Variants in CDH20 observed in about 807,000 individuals in gnomAD.
CDH20 encodes the protein cadherin 20, also known as cadherin-20.
CDH20 carries 29 observed loss-of-function variants against 74.2 expected under a neutral mutation model. The observed-to-expected ratio is 0.39, with a 90% CI of 0.29 to 0.53. CDH20 has a LOEUF of 0.53. Ranked by LOEUF, CDH20 falls within the 20% of genes least tolerant of loss-of-function variation. The pLI is 0.69. For synonymous variants in CDH20, 469 were observed against 405.4 expected (o/e 1.16, Z -1.88); for missense variants, 988 against 1,048.3 (o/e 0.94, Z 0.79).
At position 61,499,233 on chromosome 18, in the gene CDH20, C is replaced by T. The variant is rs145333204; in HGVS notation, c.294C>T (p.Leu98=). Residue 98 remains leucine (L), a synonymous_variant, in exon 3 of 12, where the codon CTC becomes CTT. Coordinates refer to ENST00000262717, the MANE Select transcript of CDH20 (RefSeq NM_031891.4). ...GAGACGGATCCATCAAATACATCCT[C>T]TCGGGAGAAGGTGCTGGCATCGTGT... is the stretch of plus-strand genomic sequence containing the variant. The part of the protein sequence containing the change: ...DRGDGSIKYI[L]SGEGAGIVFT... 7.1e-5 allele frequency: 114 copies of T among 1,611,144 alleles called. No individual in the cohort carries two copies. The African/African-American group carries it at 1.3e-3, about 18-fold the overall frequency.
At chr18:61,411,097 G>C (rs1277752788) in intron 1 of CDH20, among the ~76,000 whole-genome samples, 1 of 152,082 alleles carries the variant, frequency 6.6e-6, no homozygotes, top group African/African-American at 2.4e-5. Flanking sequence ...CTACTCGGGG[G>C]GCTGAGGCAG....
intron 1 of CDH20, among the ~76,000 whole-genome samples, chr18:61,424,755 C>T (rs1351314209): frequency 2.0e-5 from 3 of 152,120 alleles, no homozygotes; most frequent in African/African-American, 7.2e-5. Context: ...TAAGAACCTA[C>T]CCTCTGCTAA....
intron 1 of CDH20, among the ~76,000 whole-genome samples, chr18:61,336,011 T>G (rs1347018449): frequency 6.6e-6 from 1 of 152,192 alleles, no homozygotes; most frequent in Admixed American, 6.5e-5. Flanking sequence ...CTGTAAAATT[T>G]TATGACCCAG....
intron 1 of CDH20, among the ~76,000 whole-genome samples, chr18:61,458,142 A>C (rs1286076099): frequency 6.6e-6 from 1 of 152,072 alleles, no homozygotes; most frequent in Non-Finnish European, 1.5e-5. Flanking sequence ...GACCTTCTCC[A>C]TCTGGTTGCC....
chr18:61,384,970 G>C (rs1482073981), intron 1 of CDH20, among the ~76,000 whole-genome samples: 1 of 152,010 alleles, frequency 6.6e-6, no homozygotes. Context: ...CAGGCCCTAA[G>C]CTAAGGGGTT....
Position 61,539,061 on chromosome 18 carries a change from CAA to C in CDH20, c.1448_1449del (p.Lys483SerfsTer6). 1 of 1,613,888 alleles carries C rather than the reference CAA, an allele frequency of 6.2e-7. No individual in the cohort carries two copies. ...AGGTTGGAAGTGTTCCTGTCACAAT[CAA>C]AGTCTTAGATGTGAATGACAATGCT... ...SQVGSVPVTI[K>X]VLDVNDNAPE... On this transcript the variant is annotated frameshift_variant, in exon 9 of 12. Coordinates refer to ENST00000262717, the MANE Select transcript of CDH20 (RefSeq NM_031891.4). LOFTEE classifies it high-confidence loss of function.
chr18:61,389,979 A>C (rs145988080), intron 1 of CDH20, among the ~76,000 whole-genome samples: 278 of 152,292 alleles, frequency 1.8e-3, no homozygotes, highest in African/African-American at 6.4e-3. Context: ...AATAAAACAA[A>C]AACCTTCCTT....
At chr18:61,386,699 T>C (rs1452873866) in intron 1 of CDH20, among the ~76,000 whole-genome samples, 2 of 152,210 alleles carry the variant, frequency 1.3e-5, no homozygotes, top group Non-Finnish European at 2.9e-5. Context: ...AATGGTTCAA[T>C]TAATTTTATT....
intron 1 of CDH20, among the ~76,000 whole-genome samples, chr18:61,412,350 G>GA (rs1912541252): frequency 6.6e-6 from 1 of 152,090 alleles, no homozygotes; most frequent in South Asian, 2.1e-4. Flanking sequence ...AGAAAGTGCA[G>GA]AAAAATGGAA....
In CDH20 at chr18:61,333,682, TG is replaced by T. The variant is rs1400231043; in HGVS notation, c.-292del. On this transcript the variant is annotated 5_prime_UTR_variant, in exon 1 of 12. Transcript: ENST00000262717. The stretch of plus-strand genomic sequence containing the variant: ...ACTTCTGACAGAGGGGGTAGGGGGG[TG>T]GGGGGCGGGGACAGCGCCGCGAGCA... 1.2e-4 allele frequency: 1 copy of T among 8,304 alleles called. No individual in the cohort carries two copies. Among genetic ancestry groups the T allele is most frequent in the Non-Finnish European group, 2.3e-4 (1 of 4,310 alleles). 0.5% of individuals were successfully genotyped at this position (8,304 alleles called of 1,614,324 possible).
Position 61,554,554 on chromosome 18 carries a change from T to G in CDH20, c.2265T>G (p.Ser755=). 1 of 1,610,890 alleles carries G rather than the reference T, an allele frequency of 6.2e-7. No homozygotes were observed. The highest frequency in any genetic ancestry group is 8.5e-7 in the Non-Finnish European group (1 of 1,178,842). The change falls in exon 12 of 12, where the codon TCT becomes TCG. Residue 755 remains serine, a synonymous_variant. Coordinates refer to ENST00000262717, the MANE Select transcript of CDH20 (RefSeq NM_031891.4). ...CGTATATGTTCGAGGGGGACGGCTC[T>G]GTGGCGGGGTCGCTGAGCTCCCTGC... is the stretch of plus-strand genomic sequence containing the variant. The part of the protein sequence containing the change: ...LQTYMFEGDG[S]VAGSLSSLQS...
intron 1 of CDH20, among the ~76,000 whole-genome samples, chr18:61,465,271 A>T (rs959694063): frequency 5.3e-5 from 8 of 152,166 alleles, no homozygotes; most frequent in Admixed American, 5.2e-4. Context: ...AAACCAAAAA[A>T]AAGCAAAGAA....
At chr18:61,345,817 G>A (rs1039240293) in intron 1 of CDH20, among the ~76,000 whole-genome samples, 6 of 152,142 alleles carry the variant, frequency 3.9e-5, no homozygotes, top group Non-Finnish European at 8.8e-5. Context: ...CATCCTCCAC[G>A]AGCCACCCAG....
At chr18:61,367,650 A>G (rs1379963860) in intron 1 of CDH20, among the ~76,000 whole-genome samples, 1 of 152,106 alleles carries the variant, frequency 6.6e-6, no homozygotes, top group African/African-American at 2.4e-5. Flanking sequence ...GAATCATTCT[A>G]TGACTCTTCT....
rs74928517 is a variant in CDH20, at chr18:61,480,181, C to T, written c.-152-10221C>T. ...AAAAAAGATCTTCTCATATCACCTTCCCTCCCCCAAATTAAGAAAGTTAAA... is the reference window on the plus strand; with the variant it reads ...AAAAAAGATCTTCTCATATCACCTTTCCTCCCCCAAATTAAGAAAGTTAAA... On this transcript the variant is annotated intron_variant, in intron 1 of 11. Transcript: ENST00000262717. Among the ~76,000 whole-genome samples, 1,021 of 152,256 alleles carry T rather than the reference C, an allele frequency of 6.7e-3. 29 individuals carry two copies. The highest frequency in any genetic ancestry group is 0.067 in the East Asian group (344 of 5,172).
At chr18:61,381,494 T>C (rs749128649) in intron 1 of CDH20, among the ~76,000 whole-genome samples, 2 of 152,212 alleles carry the variant, frequency 1.3e-5, no homozygotes, top group Non-Finnish European at 2.9e-5. Context: ...TGCTCTCCTA[T>C]CCTACCTGCC....
At chr18:61,411,591 TA>T (rs1195254375) in intron 1 of CDH20, among the ~76,000 whole-genome samples, 10 of 308 alleles carry the variant, frequency 0.032, no homozygotes, top group Admixed American at 0.17. Flanking sequence ...TATATATATA[TA>T]TATATATATA....
chr18:61,529,180 A>C (rs571708253), intron 7 of CDH20, among the ~76,000 whole-genome samples: 4 of 152,364 alleles, frequency 2.6e-5, no homozygotes, highest in African/African-American at 9.6e-5. Context: ...AATTCCAAGG[A>C]TGTCGGAAGC....
intron 1 of CDH20, among the ~76,000 whole-genome samples, chr18:61,364,440 G>T (rs1910796759): frequency 6.6e-6 from 1 of 152,148 alleles, no homozygotes; most frequent in Non-Finnish European, 1.5e-5. Context: ...AGCCTCCCTA[G>T]TAGCTGGAAT....
Sources: gnomAD v4.1 joint callset for allele counts (sites outside exome capture counted in the v4.1 genomes callset) on GRCh38, gnomAD v4.1.1 for gene constraint, MANE v1.5 for transcripts, NCBI Gene and HGNC (gene_info 2026-07-23, HGNC 2026-07-21) for gene names.